LRMDA: variants seen among roughly 807,000 people sequenced by gnomAD.
LRMDA encodes the protein leucine-rich melanocyte differentiation-associated protein.
Under a neutral mutation model 29.8 loss-of-function variants are expected in LRMDA, and 18 were observed. The observed-to-expected ratio is 0.60, with a 90% CI of 0.42 to 0.90. The LOEUF is 0.90. Among genes scored for constraint, LRMDA ranks in the 40% least tolerant of loss-of-function variants. The pLI, the probability that LRMDA is intolerant of heterozygous loss-of-function variation, is 0.00. For synonymous variants in LRMDA, 125 were observed against 109.4 expected (o/e 1.14, Z -0.89); for missense variants, 273 against 273.9 (o/e 1.00, Z 0.02).
chr10:75,521,036 G>A (rs3012047), intron 2 of LRMDA, among the ~76,000 whole-genome samples: 78,573 of 152,004 alleles, frequency 0.52, 22,431 homozygotes, highest in Non-Finnish European at 0.63. Flanking sequence ...AGTAAATATT[G>A]CAGAACAGCA....
chr10:76,391,187 A>G (rs1841720103), intron 6 of LRMDA, among the ~76,000 whole-genome samples: 1 of 152,168 alleles, frequency 6.6e-6, no homozygotes, highest in South Asian at 2.1e-4. Flanking sequence ...GAAGCCAGGA[A>G]TCCAGGAAGG....
intron 2 of LRMDA, among the ~76,000 whole-genome samples, chr10:75,973,635 G>A (rs1296133055): frequency 6.6e-6 from 1 of 152,112 alleles, no homozygotes; most frequent in Non-Finnish European, 1.5e-5. Context: ...AGCCAGGCTG[G>A]TCTCGAATTC....
Position 76,197,337 on chromosome 10 carries a change from T to G in LRMDA, c.517-127064T>G, listed in dbSNP as rs1262430385. 2.0e-5 allele frequency among the ~76,000 whole-genome samples: 3 copies of G among 152,360 alleles called. No individual in the cohort carries two copies. In the East Asian group the frequency reaches 5.8e-4, roughly 29 times the overall value. On this transcript the variant is annotated intron_variant, in intron 5 of 6. Transcript: ENST00000611255. ...TCCATCTGACCTTCTGCTTATACTA[T>G]TTTTATAATTGGGGACTGTACAATT...
intron 2 of LRMDA, among the ~76,000 whole-genome samples, chr10:75,546,838 A>T (rs894523187): frequency 1.3e-5 from 2 of 152,230 alleles, no homozygotes; most frequent in Non-Finnish European, 2.9e-5. Flanking sequence ...ATTTTTAATA[A>T]TGTTAAATCT....
At chr10:76,222,831 G>A (rs1365032736) in intron 5 of LRMDA, among the ~76,000 whole-genome samples, 1 of 152,068 alleles carries the variant, frequency 6.6e-6, no homozygotes, top group Non-Finnish European at 1.5e-5. Context: ...GTTTATTGCG[G>A]CACTATTCAC....
chr10:76,352,140 G>A (rs1478968588), intron 6 of LRMDA, among the ~76,000 whole-genome samples: 3 of 152,118 alleles, frequency 2.0e-5, no homozygotes, highest in Non-Finnish European at 4.4e-5. Flanking sequence ...TACTGTGGAA[G>A]TGCTGAATGG....
At chr10:76,131,663 G>GTT (rs200365082) in intron 5 of LRMDA, among the ~76,000 whole-genome samples, 6 of 146,454 alleles carry the variant, frequency 4.1e-5, no homozygotes, top group South Asian at 2.2e-4. Context: ...TATTTTGATG[G>GTT]TTTTTTTTTT....
Position 75,773,725 on chromosome 10 carries a change from G to A in LRMDA, c.132-262283G>A, listed in dbSNP as rs150637014. ...CCTCCCCTCTTGTCAGTTCCCTCTG[G>A]CCTTCTTTATATCTTTCTGAATATG... On this transcript the variant is annotated intron_variant, in intron 2 of 6. Coordinates refer to ENST00000611255, the MANE Select transcript of LRMDA (RefSeq NM_001305581.2). 1.9e-4 allele frequency among the ~76,000 whole-genome samples: 29 copies of A among 152,178 alleles called. No individual in the cohort carries two copies. In the East Asian group the frequency reaches 5.0e-3, roughly 26 times the overall value.
intron 2 of LRMDA, among the ~76,000 whole-genome samples, chr10:75,533,312 A>G (rs1683808296): frequency 6.6e-6 from 1 of 152,210 alleles, no homozygotes; most frequent in African/African-American, 2.4e-5. Context: ...TTATAATGAC[A>G]TTTTAATGAG....
chr10:75,811,879 C>T (rs1340094624), intron 2 of LRMDA, among the ~76,000 whole-genome samples: 1 of 152,180 alleles, frequency 6.6e-6, no homozygotes, highest in African/African-American at 2.4e-5. Flanking sequence ...CTTCCCTCAT[C>T]ATGCTTGTGG....
chr10:75,675,686 C>T (rs1841950827), intron 2 of LRMDA, among the ~76,000 whole-genome samples: 1 of 145,522 alleles, frequency 6.9e-6, no homozygotes, highest in South Asian at 2.3e-4. Context: ...GAAAAGGTCG[C>T]ACCAGAAATC....
chr10:76,049,615 GTCTGT>G (rs1564639126), intron 4 of LRMDA, among the ~76,000 whole-genome samples: 3 of 152,122 alleles, frequency 2.0e-5, no homozygotes, highest in African/African-American at 7.2e-5. Flanking sequence ...CCATTCTATG[GTCTGT>G]AAGCAGATCC....
chr10:76,062,664 G>C (rs1215767528), intron 5 of LRMDA, among the ~76,000 whole-genome samples: 2 of 150,236 alleles, frequency 1.3e-5, no homozygotes, highest in African/African-American at 4.9e-5. Flanking sequence ...CTCTGTGTGT[G>C]TGTGTGTGTG....
intron 5 of LRMDA, among the ~76,000 whole-genome samples, chr10:76,248,128 A>G (rs1413065234): frequency 6.6e-6 from 1 of 152,158 alleles, no homozygotes; most frequent in Non-Finnish European, 1.5e-5. Flanking sequence ...ATTGGGAGCT[A>G]TTTTGACTCC....
rs140381333 is a variant in LRMDA, at chr10:75,729,736, A to C, written c.131+291242A>C. 1.6e-3 allele frequency among the ~76,000 whole-genome samples: 242 copies of C among 152,324 alleles called. 1 individual carries two copies. The highest frequency in any genetic ancestry group is 5.4e-3 in the African/African-American group (223 of 41,568). On this transcript the variant is annotated intron_variant, in intron 2 of 6. Coordinates refer to ENST00000611255, the MANE Select transcript of LRMDA (RefSeq NM_001305581.2). ...AGGACACTATATGTTGACCCACACC[A>C]AACAGTGATAGGATGATTCTGACAT...
At chr10:76,462,033 T>A in intron 6 of LRMDA, among the ~76,000 whole-genome samples, 1 of 132,676 alleles carries the variant, frequency 7.5e-6, no homozygotes, top group African/African-American at 2.9e-5. Context: ...TGTGCCAGAG[T>A]GAGGACCACA....
chr10:75,457,928 T>A (rs961404825), intron 2 of LRMDA, among the ~76,000 whole-genome samples: 1 of 152,230 alleles, frequency 6.6e-6, no homozygotes, highest in Non-Finnish European at 1.5e-5. Flanking sequence ...CTTGCTAGTT[T>A]GAAGCTCAGA....
intron 5 of LRMDA, among the ~76,000 whole-genome samples, chr10:76,243,191 T>C (rs963552297): frequency 2.6e-5 from 4 of 152,176 alleles, no homozygotes; most frequent in Admixed American, 2.6e-4. Context: ...CAATTCTTAA[T>C]TGAGTTGATG....
intron 2 of LRMDA, among the ~76,000 whole-genome samples, chr10:75,874,875 T>A (rs1202856960): frequency 6.6e-6 from 1 of 152,230 alleles, no homozygotes; most frequent in Non-Finnish European, 1.5e-5. Context: ...GCACAACAAC[T>A]TAAGTTACAT....
Sources: gnomAD v4.1 joint callset for allele counts (sites outside exome capture counted in the v4.1 genomes callset) on GRCh38, gnomAD v4.1.1 for gene constraint, MANE v1.5 for transcripts, NCBI Gene and HGNC (gene_info 2026-07-23, HGNC 2026-07-21) for gene names.